STX17: variants seen among roughly 807,000 people sequenced by gnomAD.
The protein encoded by STX17 is syntaxin-17.
Under a neutral mutation model 35.9 loss-of-function variants are expected in STX17, and 29 were observed. The observed-to-expected ratio is 0.81, with a 90% CI of 0.60 to 1.10. STX17 has a LOEUF of 1.10. Ranked by LOEUF, STX17 falls within the 50% of genes least tolerant of loss-of-function variation. STX17 has a pLI of 0.00. For missense variants in STX17, 312 were observed against 352.3 expected (o/e 0.89, Z 0.92); for synonymous variants, 92 against 118.3 (o/e 0.78, Z 1.44).
At chr9:99,953,065 AG>A (rs1829636888) in intron 4 of STX17, among the ~76,000 whole-genome samples, 1 of 152,066 alleles carries the variant, frequency 6.6e-6, no homozygotes, top group Non-Finnish European at 1.5e-5. Context: ...ATAAAAAAAA[AG>A]AAATGTTACA....
At chr9:99,937,547 A>G (rs1829261430) in intron 3 of STX17, among the ~76,000 whole-genome samples, 1 of 152,154 alleles carries the variant, frequency 6.6e-6, no homozygotes, top group African/African-American at 2.4e-5. Flanking sequence ...TATTCAATGT[A>G]TTCTTTATCT....
chr9:99,915,152 T>C, intron 1 of STX17, 26 bp from the exon 2 acceptor site: 1 of 1,400,608 alleles, frequency 7.1e-7, no homozygotes, highest in Non-Finnish European at 9.4e-7. Context: ...TTTGAAAACA[T>C]TCTTAAAGAA....
At chr9:99,936,233 G>A (rs1587924111) in intron 3 of STX17, among the ~76,000 whole-genome samples, 1 of 152,140 alleles carries the variant, frequency 6.6e-6, no homozygotes, top group Non-Finnish European at 1.5e-5. Flanking sequence ...TAAATAGTTA[G>A]GAGTGGAATG....
chr9:99,925,869 T>C (rs1828976417), intron 2 of STX17, among the ~76,000 whole-genome samples: 1 of 152,054 alleles, frequency 6.6e-6, no homozygotes, highest in African/African-American at 2.4e-5. Flanking sequence ...TTCTTGGATC[T>C]ATGGTTTTCT....
intron 4 of STX17, among the ~76,000 whole-genome samples, chr9:99,952,988 T>A (rs1297068787): frequency 6.6e-6 from 1 of 151,800 alleles, no homozygotes; most frequent in Non-Finnish European, 1.5e-5. Context: ...GTAACTAACC[T>A]GCACATTGTG....
intron 3 of STX17, among the ~76,000 whole-genome samples, chr9:99,949,762 A>G (rs1829555158): frequency 6.6e-6 from 1 of 152,052 alleles, no homozygotes; most frequent in African/African-American, 2.4e-5. Flanking sequence ...TATTTTTGCA[A>G]ATTTGTTCTA....
At chr9:99,940,323 G>A (rs1232006883) in intron 3 of STX17, among the ~76,000 whole-genome samples, 1 of 151,666 alleles carries the variant, frequency 6.6e-6, no homozygotes, top group East Asian at 1.9e-4. Context: ...TAAAGATGGG[G>A]TTTTACCACG....
chr9:99,913,163 AG>A (rs1371650929), intron 1 of STX17, among the ~76,000 whole-genome samples: 2 of 151,854 alleles, frequency 1.3e-5, no homozygotes, highest in African/African-American at 4.8e-5. Context: ...CCATGTATTT[AG>A]GCAAATTTGG....
chr9:99,957,954 G>A (rs1041122545), intron 4 of STX17, among the ~76,000 whole-genome samples: 1 of 151,628 alleles, frequency 6.6e-6, no homozygotes, highest in Non-Finnish European at 1.5e-5. Flanking sequence ...CTTACACGGT[G>A]GCTATAGTTT....
rs1830068939 is a variant in STX17 at position 99,974,483 on chromosome 9, C to T, written c.*5810C>T. On this transcript the variant is annotated 3_prime_UTR_variant, in exon 8 of 8. Transcript: ENST00000259400. ...AATTCATTTGTCATTTATTACATTG[C>T]TGAGTGGTGCTTGAATAAGGAAACA... Among the ~76,000 whole-genome samples the T allele has an allele frequency of 6.6e-6, 1 of 152,184 alleles. No homozygotes were observed. Among genetic ancestry groups the T allele is most frequent in the Non-Finnish European group, 1.5e-5 (1 of 68,036 alleles).
At chr9:99,965,978 T>G (rs1322231893) in intron 6 of STX17, among the ~76,000 whole-genome samples, 2 of 152,192 alleles carry the variant, frequency 1.3e-5, no homozygotes, top group African/African-American at 4.8e-5. Context: ...GAGCACATAG[T>G]GGCGTTTGCT....
At chr9:99,928,210 C>T (rs1482262824) in intron 2 of STX17, among the ~76,000 whole-genome samples, 1 of 151,932 alleles carries the variant, frequency 6.6e-6, no homozygotes, top group African/African-American at 2.4e-5. Context: ...AAAAAATTCC[C>T]ATGATTCTGT....
rs1416360750 is a variant in STX17 at position 99,972,998 on chromosome 9, T to C, written c.*4325T>C. On this transcript the variant is annotated 3_prime_UTR_variant, in exon 8 of 8. Coordinates refer to ENST00000259400, the MANE Select transcript of STX17 (RefSeq NM_017919.3). ...GTTTCTCTTCTAGCCTAAATTAATATTAAAAGTTCAGGGGTATTTTTTGTT... is the reference window on the plus strand; with the variant it reads ...GTTTCTCTTCTAGCCTAAATTAATACTAAAAGTTCAGGGGTATTTTTTGTT... Among the ~76,000 whole-genome samples the C allele has an allele frequency of 1.3e-5, 2 of 152,188 alleles. No individual in the cohort carries two copies. Among genetic ancestry groups the C allele is most frequent in the Non-Finnish European group, 2.9e-5 (2 of 68,034 alleles).
rs1587945785 is a variant in STX17, at chr9:99,969,579, A to G, written c.*906A>G. ...AAAAAGAAATTTCGAGATATTTTCAACATTGTTAGAGTTTGGGCTAAAATG... is the reference window on the plus strand; with the variant it reads ...AAAAAGAAATTTCGAGATATTTTCAGCATTGTTAGAGTTTGGGCTAAAATG... On this transcript the variant is annotated 3_prime_UTR_variant, in exon 8 of 8. Transcript: ENST00000259400. 2 of 152,464 alleles carry G rather than the reference A, an allele frequency of 1.3e-5. No individual in the cohort carries two copies. The highest frequency in any genetic ancestry group is 2.4e-5 in the African/African-American group (1 of 41,414). The allele number at this position is 152,464 out of a possible 1,614,324, so 9.4% of individuals were successfully genotyped here.
chr9:99,968,927 A>C lies in STX17; in HGVS notation c.*254A>C. On this transcript the variant is annotated 3_prime_UTR_variant, in exon 8 of 8. Coordinates refer to ENST00000259400, the MANE Select transcript of STX17 (RefSeq NM_017919.3). ...AAGTTTGAAGACTGCCAAGGAGCAGATTTTCTCCCTGGAAATGTGAAAACT... is the reference window on the plus strand; with the variant it reads ...AAGTTTGAAGACTGCCAAGGAGCAGCTTTTCTCCCTGGAAATGTGAAAACT... 2.9e-6 allele frequency: 1 copy of C among 344,352 alleles called. No individual in the cohort carries two copies. Among genetic ancestry groups the C allele is most frequent in the South Asian group, 7.7e-5 (1 of 12,916 alleles). 21.3% of individuals were successfully genotyped at this position (344,352 alleles called of 1,614,324 possible).
intron 2 of STX17, chr9:99,915,973 GC>G (rs948968055): frequency 5.8e-5 from 26 of 452,000 alleles, no homozygotes; most frequent in African/African-American, 4.8e-4. Flanking sequence ...TAATGTACCT[GC>G]CTTAATTTCA....
chr9:99,944,283 G>T (rs1483456133), intron 3 of STX17, among the ~76,000 whole-genome samples: 1 of 151,242 alleles, frequency 6.6e-6, no homozygotes, highest in East Asian at 1.9e-4. Flanking sequence ...TATTATGTTT[G>T]TTTTTCTGTT....
At chr9:99,968,290 C>T (rs1829956991) in intron 7 of STX17, 144 bp from the exon 8 acceptor site, 1 of 1,006,450 alleles carries the variant, frequency 9.9e-7, no homozygotes, top group South Asian at 2.9e-5. Flanking sequence ...ACTTTCTTTT[C>T]CCCCCTACAA....
At chr9:99,940,812 T>C (rs1829342870) in intron 3 of STX17, among the ~76,000 whole-genome samples, 1 of 152,150 alleles carries the variant, frequency 6.6e-6, no homozygotes, top group East Asian at 1.9e-4. Flanking sequence ...CTTTATCTCT[T>C]TTGCAAAAAA....
Sources: allele counts gnomAD v4.1 joint callset (sites outside exome capture counted in the v4.1 genomes callset), GRCh38; gene constraint gnomAD v4.1.1; transcripts MANE v1.5; gene names NCBI Gene and HGNC (gene_info 2026-07-23, HGNC 2026-07-21).